The following PRKAR2A variants were observed in gnomAD, a reference collection of about 807,000 sequenced individuals.
PRKAR2A encodes protein kinase cAMP-dependent type II regulatory subunit alpha, also known as cAMP-dependent protein kinase type II-alpha regulatory subunit.
A neutral mutation model predicts 51.9 loss-of-function variants in PRKAR2A; 29 were observed. The observed-to-expected ratio is 0.56, with a 90% CI of 0.42 to 0.76. The LOEUF is 0.76. Ranked by LOEUF, PRKAR2A falls within the 30% of genes least tolerant of loss-of-function variation. The pLI is 0.00. For synonymous variants in PRKAR2A, 178 were observed against 186.2 expected (o/e 0.96, Z 0.36); for missense variants, 445 against 512.1 (o/e 0.87, Z 1.26).
At position 48,750,034 on chromosome 3, in the gene PRKAR2A, A is replaced by G. The variant is rs2081621689; in HGVS notation, c.*1551T>C. On this transcript the variant is annotated 3_prime_UTR_variant, in exon 11 of 11. Transcript: ENST00000265563. The stretch of plus-strand genomic sequence containing the variant: ...CTCAGCCTCCTAAGTATTTGGGACT[A>G]CATGCATGCATCACCACACCTGACA... 3 of 151,958 alleles carry G rather than the reference A, an allele frequency of 2.0e-5. No homozygotes were observed. Among genetic ancestry groups the G allele is most frequent in the Admixed American group, 2.0e-4 (3 of 15,218 alleles). 9.4% of individuals were successfully genotyped at this position (151,958 alleles called of 1,614,324 possible). A position where few individuals can be genotyped will look rare whatever the true frequency, so the allele number is the denominator to read the frequency against.
At chr3:48,835,261 A>G (rs2083262532) in intron 1 of PRKAR2A, among the ~76,000 whole-genome samples, 1 of 151,254 alleles carries the variant, frequency 6.6e-6, no homozygotes, top group Non-Finnish European at 1.5e-5. Flanking sequence ...GTGAGCCACT[A>G]TGCTTGGCCT....
Position 48,750,190 on chromosome 3 carries a change from C to T in PRKAR2A, c.*1395G>A, listed in dbSNP as rs927161667. The T allele has an allele frequency of 2.6e-5, 4 of 152,018 alleles. No individual in the cohort carries two copies. The highest frequency in any genetic ancestry group is 9.7e-5 in the African/African-American group (4 of 41,356). 9.4% of individuals were successfully genotyped at this position (152,018 alleles called of 1,614,324 possible). ...ACCAGCCTGACCAACACAGAGAAAC[C>T]CTGTCTCTATTAAAAATACAAAATT... On this transcript the variant is annotated 3_prime_UTR_variant, in exon 11 of 11. Coordinates refer to ENST00000265563, the MANE Select transcript of PRKAR2A (RefSeq NM_004157.4).
At chr3:48,835,721 G>A (rs915156810) in intron 1 of PRKAR2A, among the ~76,000 whole-genome samples, 20 of 151,092 alleles carry the variant, frequency 1.3e-4, no homozygotes, top group African/African-American at 4.4e-4. Flanking sequence ...CCCAGGAGGC[G>A]GAGGCTGCAG....
chr3:48,818,051 A>G (rs1295280480), intron 1 of PRKAR2A, among the ~76,000 whole-genome samples: 1 of 152,202 alleles, frequency 6.6e-6, no homozygotes, highest in East Asian at 1.9e-4. Flanking sequence ...GTGCTAATTA[A>G]TTATACATAA....
At position 48,847,575 on chromosome 3, in the gene PRKAR2A, G is replaced by A; in HGVS notation, c.22C>T (p.Pro8Ser). 6.5e-7 allele frequency: 1 copy of A among 1,543,644 alleles called. No homozygotes were observed. The highest frequency in any genetic ancestry group is 8.7e-7 in the Non-Finnish European group (1 of 1,150,396). The change falls in exon 1 of 11, where the codon CCG becomes TCG. Residue 8 changes from proline (P) to serine (S), a missense_variant. By Grantham distance (74) the Pro-to-Ser change is moderately conservative. Transcript: ENST00000265563. This position sits in a 1 kb window ranked among gnomAD's most constrained non-coding sequence, Gnocchi z 4.4. The part of the protein sequence containing the change: MSHIQIP[P>S]GLTELLQGYT... ...CCCTGCAGCAGCTCCGTGAGCCCCG[G>A]CGGGATCTGGATGTGGCTCATGCCG...
At chr3:48,801,849 G>A (rs1416961503) in intron 2 of PRKAR2A, among the ~76,000 whole-genome samples, 1 of 152,004 alleles carries the variant, frequency 6.6e-6, no homozygotes, top group Admixed American at 6.6e-5. Context: ...CGATTCTCCT[G>A]CCTCAGCCTC....
At chr3:48,780,449 A>G (rs1375572060) in intron 5 of PRKAR2A, among the ~76,000 whole-genome samples, 1 of 151,136 alleles carries the variant, frequency 6.6e-6, no homozygotes, top group Non-Finnish European at 1.5e-5. Flanking sequence ...TAAAAATACA[A>G]AAAATTAGCC....
At chr3:48,842,691 G>A (rs2083399682) in intron 1 of PRKAR2A, among the ~76,000 whole-genome samples, 1 of 152,052 alleles carries the variant, frequency 6.6e-6, no homozygotes, top group Non-Finnish European at 1.5e-5. Context: ...TTTGTCTTTG[G>A]TTCTGTTTAT....
At chr3:48,785,506 C>T (rs372738635) in intron 4 of PRKAR2A, among the ~76,000 whole-genome samples, 44 of 152,018 alleles carry the variant, frequency 2.9e-4, no homozygotes, top group East Asian at 1.7e-3. Context: ...GTAATCCGCC[C>T]GCCTTGGCCT....
intron 2 of PRKAR2A, among the ~76,000 whole-genome samples, chr3:48,805,353 A>G (rs1191760652): frequency 1.3e-5 from 2 of 152,216 alleles, no homozygotes; most frequent in Non-Finnish European, 2.9e-5. Flanking sequence ...ATTGTTTGAG[A>G]AGCCTACAGG....
chr3:48,825,753 C>T (rs1288390174), intron 1 of PRKAR2A, among the ~76,000 whole-genome samples: 1 of 152,176 alleles, frequency 6.6e-6, no homozygotes, highest in East Asian at 1.9e-4. Flanking sequence ...GTCTTCTCAT[C>T]AGTTCACATC....
At chr3:48,832,681 T>A (rs1465638526) in intron 1 of PRKAR2A, among the ~76,000 whole-genome samples, 3 of 152,156 alleles carry the variant, frequency 2.0e-5, no homozygotes, top group Admixed American at 6.6e-5. Context: ...TTTTTTTTAA[T>A]TTTTTAAGCT....
At chr3:48,799,684 T>C (rs920620482) in intron 2 of PRKAR2A, among the ~76,000 whole-genome samples, 1 of 152,202 alleles carries the variant, frequency 6.6e-6, no homozygotes, top group Non-Finnish European at 1.5e-5. Context: ...GTGACTGACA[T>C]GGCACCAGGT....
At chr3:48,790,886 T>C (rs1390338598) in intron 3 of PRKAR2A, among the ~76,000 whole-genome samples, 2 of 152,132 alleles carry the variant, frequency 1.3e-5, no homozygotes, top group African/African-American at 4.8e-5. Flanking sequence ...TCTCAGGATC[T>C]TCATCCATAA....
intron 1 of PRKAR2A, among the ~76,000 whole-genome samples, chr3:48,814,209 C>T (rs1329481853): frequency 3.3e-5 from 5 of 151,802 alleles, no homozygotes; most frequent in Non-Finnish European, 5.9e-5. Flanking sequence ...GATAGTGCCA[C>T]TGCACTCCAG....
Position 48,747,737 on chromosome 3 carries a change from C to T in PRKAR2A, c.*3848G>A, listed in dbSNP as rs2081581687. On this transcript the variant is annotated 3_prime_UTR_variant, in exon 11 of 11. Transcript: ENST00000265563. ...GGCTCTCAGGAATATTCTCTACCAT[C>T]CAAAATCAACAGCAAAGCCAGAAAA... 1 of 152,176 alleles carries T rather than the reference C, an allele frequency of 6.6e-6. No individual in the cohort carries two copies. The highest frequency in any genetic ancestry group is 2.4e-5 in the African/African-American group (1 of 41,434). 9.4% of individuals were successfully genotyped at this position (152,176 alleles called of 1,614,324 possible).
chr3:48,847,865 T>C lies in PRKAR2A; in HGVS notation c.-269A>G, dbSNP rs942576687. ...GCGAGCTGGACGGGCGGGGCAGGCG[T>C]CCTGGTTGTGACGCACGCCACCGCG... On this transcript the variant is annotated 5_prime_UTR_variant, in exon 1 of 11. Transcript: ENST00000265563. This position sits in a 1 kb window ranked among gnomAD's most constrained non-coding sequence, Gnocchi z 4.4. The C allele has an allele frequency of 6.2e-6, 2 of 321,288 alleles. No homozygotes were observed. Among genetic ancestry groups the C allele is most frequent in the South Asian group, 2.7e-4 (2 of 7,410 alleles). 19.9% of individuals were successfully genotyped at this position (321,288 alleles called of 1,614,324 possible).
intron 1 of PRKAR2A, among the ~76,000 whole-genome samples, chr3:48,830,900 G>A (rs553244723): frequency 2.6e-5 from 4 of 152,204 alleles, no homozygotes; most frequent in South Asian, 2.1e-4. Flanking sequence ...AACGGTTCAC[G>A]TTCCTATGAG....
chr3:48,825,600 C>A (rs960806652), intron 1 of PRKAR2A, among the ~76,000 whole-genome samples: 1 of 151,954 alleles, frequency 6.6e-6, no homozygotes, highest in Non-Finnish European at 1.5e-5. Flanking sequence ...GCCAAGACTG[C>A]GCCACTGTGC....
Sources: allele counts gnomAD v4.1 joint callset (sites outside exome capture counted in the v4.1 genomes callset), GRCh38; gene constraint gnomAD v4.1.1; non-coding constraint Gnocchi (gnomAD v3.1); transcripts MANE v1.5; gene names NCBI Gene and HGNC (gene_info 2026-07-23, HGNC 2026-07-21).